STX8: variants seen among roughly 807,000 people sequenced by gnomAD.
STX8 encodes the protein syntaxin-8.
Under a neutral mutation model 37.5 loss-of-function variants are expected in STX8, and 23 were observed. That is an observed-to-expected ratio of 0.61 (90% CI 0.44 to 0.87). The LOEUF is 0.87. Ranked by LOEUF, STX8 falls within the 40% of genes least tolerant of loss-of-function variation. The pLI, the probability that STX8 is intolerant of heterozygous loss-of-function variation, is 0.00. For missense variants in STX8, 313 were observed against 284.7 expected (o/e 1.10, Z -0.71); for synonymous variants, 115 against 99.1 (o/e 1.16, Z -0.95).
chr17:9,313,590 C>T (rs951127260), intron 7 of STX8, among the ~76,000 whole-genome samples: 1 of 152,208 alleles, frequency 6.6e-6, no homozygotes, highest in South Asian at 2.1e-4. Context: ...AAGATCTGAT[C>T]CCCTGTGCAC....
In STX8 at chr17:9,507,013, C is replaced by T. The variant is rs937520974; in HGVS notation, c.324-1851G>A. Among the ~76,000 whole-genome samples, 3 of 151,952 alleles carry T rather than the reference C, an allele frequency of 2.0e-5. No individual in the cohort carries two copies. Among genetic ancestry groups the T allele is most frequent in the Admixed American group, 2.0e-4 (3 of 15,258 alleles). On this transcript the variant is annotated intron_variant, in intron 4 of 7. Transcript: ENST00000306357. This position sits in a 1 kb window ranked among gnomAD's most constrained non-coding sequence, Gnocchi z 4.0. ...CTCTGGTCCTGCAATGAAGGGAAAC[C>T]ACCCTCTGCACTTTCAGCCACAGAA...
At chr17:9,362,397 A>C (rs761486943) in intron 7 of STX8, among the ~76,000 whole-genome samples, 1 of 152,120 alleles carries the variant, frequency 6.6e-6, no homozygotes, top group Non-Finnish European at 1.5e-5. Context: ...AACATAAGGA[A>C]TCTCTATCTA....
At chr17:9,561,210 C>A (rs1907217996) in intron 2 of STX8, among the ~76,000 whole-genome samples, 1 of 152,026 alleles carries the variant, frequency 6.6e-6, no homozygotes, top group Non-Finnish European at 1.5e-5. Context: ...GAAAAGATCA[C>A]CAACAAACAT....
intron 7 of STX8, among the ~76,000 whole-genome samples, chr17:9,292,402 G>A (rs1908344667): frequency 6.6e-6 from 1 of 152,192 alleles, no homozygotes; most frequent in South Asian, 2.1e-4. Context: ...AGCCCAGTGG[G>A]TTCCCAGTTC....
chr17:9,441,349 G>A (rs1316078162), intron 6 of STX8, among the ~76,000 whole-genome samples: 1 of 151,794 alleles, frequency 6.6e-6, no homozygotes. Flanking sequence ...AATTAGCCGT[G>A]TGTGGTGGCA....
In STX8 at chr17:9,345,848, C is replaced by CTTTTTTTTTTTTTTTTTTTTTT. The variant is rs545020159; in HGVS notation, c.643+32703_643+32704insAAAAAAAAAAAAAAAAAAAAAA. 4.4e-4 allele frequency among the ~76,000 whole-genome samples: 23 copies of CTTTTTTTTTTTTTTTTTTTTTT among 52,078 alleles called. 9 individuals are homozygous for CTTTTTTTTTTTTTTTTTTTTTT. Among genetic ancestry groups the CTTTTTTTTTTTTTTTTTTTTTT allele is most frequent in the East Asian group, 1.4e-3 (2 of 1,448 alleles). 34.2% of individuals were successfully genotyped at this position (52,078 alleles called of 152,430 possible). On this transcript the variant is annotated intron_variant, in intron 7 of 7. Coordinates refer to ENST00000306357, the MANE Select transcript of STX8 (RefSeq NM_004853.3). ...CATTATACCTCCGGGTTATGCATTC[C>CTTTTTTTTTTTTTTTTTTTTTT]TTTTTTTTTTTTTTTTTTTTGAGAT...
intron 6 of STX8, among the ~76,000 whole-genome samples, chr17:9,390,260 GCCTGTA>G (rs1912165366): frequency 6.6e-6 from 1 of 152,160 alleles, no homozygotes; most frequent in East Asian, 1.9e-4. Context: ...AGTGGCTCAG[GCCTGTA>G]ATCCCAGCAC....
At chr17:9,574,259 A>G (rs954113662) in intron 1 of STX8, among the ~76,000 whole-genome samples, 9 of 150,362 alleles carry the variant, frequency 6.0e-5, no homozygotes, top group African/African-American at 2.0e-4. Context: ...TGACAGACAG[A>G]GCAAGACTCC....
chr17:9,468,454 T>C (rs920179779), intron 6 of STX8, among the ~76,000 whole-genome samples: 1 of 152,178 alleles, frequency 6.6e-6, no homozygotes, highest in Non-Finnish European at 1.5e-5. Context: ...CTTACGAAAA[T>C]GTTAGGAATG....
At chr17:9,467,684 CT>C (rs990681562) in intron 6 of STX8, among the ~76,000 whole-genome samples, 1 of 152,190 alleles carries the variant, frequency 6.6e-6, no homozygotes, top group African/African-American at 2.4e-5. Flanking sequence ...ACCCTTTCCC[CT>C]GAAGAGGGCG....
chr17:9,501,937 C>A (rs182475071), intron 5 of STX8, among the ~76,000 whole-genome samples: 1 of 152,134 alleles, frequency 6.6e-6, no homozygotes, highest in Non-Finnish European at 1.5e-5. Flanking sequence ...TCACTGCACT[C>A]CAGCCTGGGC....
At chr17:9,259,101 A>T (rs1000912399) in intron 7 of STX8, among the ~76,000 whole-genome samples, 6 of 152,250 alleles carry the variant, frequency 3.9e-5, no homozygotes, top group Non-Finnish European at 8.8e-5. Context: ...CTGATTTTAC[A>T]GTCAAGAAGA....
intron 4 of STX8, among the ~76,000 whole-genome samples, chr17:9,537,487 C>A (rs1327526959): frequency 6.6e-6 from 1 of 152,182 alleles, no homozygotes; most frequent in Non-Finnish European, 1.5e-5. Flanking sequence ...CTTTACGTGA[C>A]AGACTTTACA....
At chr17:9,308,721 C>CA (rs1171647976) in intron 7 of STX8, among the ~76,000 whole-genome samples, 19,974 of 70,554 alleles carry the variant, frequency 0.28, 2,139 homozygotes, top group Non-Finnish European at 0.34. Flanking sequence ...GAAACTCCGT[C>CA]AAAAAAAAAA....
intron 7 of STX8, among the ~76,000 whole-genome samples, chr17:9,333,859 T>A (rs1910049333): frequency 6.6e-6 from 1 of 152,158 alleles, no homozygotes. Context: ...AATTTGTAAC[T>A]GCCCAGTGGG....
chr17:9,254,542 C>CCTG (rs1906714611), intron 7 of STX8, among the ~76,000 whole-genome samples: 1 of 152,042 alleles, frequency 6.6e-6, no homozygotes, highest in South Asian at 2.1e-4. Context: ...ATTACAGGTG[C>CCTG]CCACCACTAT....
At chr17:9,531,575 C>T (rs1236849009) in intron 4 of STX8, among the ~76,000 whole-genome samples, 4 of 152,024 alleles carry the variant, frequency 2.6e-5, no homozygotes, top group Non-Finnish European at 4.4e-5. Context: ...TCATAACTTC[C>T]ATTACAGTAT....
At chr17:9,406,588 CTG>C (rs1486092763) in intron 6 of STX8, among the ~76,000 whole-genome samples, 1 of 152,122 alleles carries the variant, frequency 6.6e-6, no homozygotes, top group Non-Finnish European at 1.5e-5. Context: ...CATACATGAT[CTG>C]TGTTTGTGTG....
At chr17:9,418,516 T>TA (rs71361891) in intron 6 of STX8, among the ~76,000 whole-genome samples, 11,733 of 114,820 alleles carry the variant, frequency 0.1, 517 homozygotes, top group Middle Eastern at 0.17. Context: ...TCCGTTTTTC[T>TA]AAAAAAAAAA....
Sources: allele counts gnomAD v4.1 joint callset (sites outside exome capture counted in the v4.1 genomes callset), GRCh38; gene constraint gnomAD v4.1.1; non-coding constraint Gnocchi (gnomAD v3.1); transcripts MANE v1.5; gene names NCBI Gene and HGNC (gene_info 2026-07-23, HGNC 2026-07-21).